The following LRP1B variants were observed in gnomAD, a reference collection of about 807,000 sequenced individuals.
The protein encoded by LRP1B is LDL receptor related protein 1B, also known as low-density lipoprotein receptor-related protein 1B.
A neutral mutation model predicts 556.6 loss-of-function variants in LRP1B; 217 were observed. That is an observed-to-expected ratio of 0.39 (90% CI 0.35 to 0.44). LRP1B has a LOEUF of 0.44. LRP1B is among the 20% of genes least tolerant of loss of function. The pLI is 1.00. For synonymous variants in LRP1B, 2,047 were observed against 1,865.8 expected, an observed-to-expected ratio of 1.10 and a Z score of -2.50; for missense variants, 5,053 against 5,620.8, an observed-to-expected ratio of 0.90 and a Z score of 3.23.
In LRP1B at chr2:141,368,384, A is replaced by C. The variant is rs543916317; in HGVS notation, c.343+112012T>G. Among the ~76,000 whole-genome samples, 67 of 152,356 alleles carry C rather than the reference A, an allele frequency of 4.4e-4. 1 individual carries two copies. Among genetic ancestry groups the C allele is most frequent in the Admixed American group, 3.8e-3 (58 of 15,304 alleles). On this transcript the variant is annotated intron_variant, in intron 3 of 90. Transcript: ENST00000389484. ...TGCAAAGCACTGAAAACTAATTTGCAGAAGAGGAGGATGCATAAAGAGGGT... is the reference window on the plus strand; with the variant it reads ...TGCAAAGCACTGAAAACTAATTTGCCGAAGAGGAGGATGCATAAAGAGGGT...
At position 141,795,806 on chromosome 2, in the gene LRP1B, C is replaced by T. The variant is rs139416596; in HGVS notation, c.205+14473G>A. 3.0e-5 allele frequency among the ~76,000 whole-genome samples: 4 copies of T among 131,524 alleles called. No individual in the cohort carries two copies. In the East Asian group the frequency reaches 9.1e-4, roughly 30 times the overall value. 86.3% of individuals were successfully genotyped at this position (131,524 alleles called of 152,430 possible). A position where few individuals can be genotyped will look rare whatever the true frequency, so the allele number is the denominator to read the frequency against. On this transcript the variant is annotated intron_variant, in intron 2 of 90. Coordinates refer to ENST00000389484, the MANE Select transcript of LRP1B (RefSeq NM_018557.3). ...TTTAATTCATTGCATCTAAAAGTGC[C>T]CAGTAAATCAACTTTTCACTATCAA...
intron 1 of LRP1B, among the ~76,000 whole-genome samples, chr2:142,102,639 A>G (rs897114193): frequency 6.6e-6 from 1 of 151,894 alleles, no homozygotes; most frequent in Non-Finnish European, 1.5e-5. Context: ...AAAAGTTAGA[A>G]TGCAAATCTT....
intron 6 of LRP1B, among the ~76,000 whole-genome samples, chr2:141,190,799 G>A (rs920446576): frequency 2.6e-5 from 4 of 151,920 alleles, no homozygotes; most frequent in Admixed American, 6.6e-5. Context: ...AGAGTGACAA[G>A]CTTATGAACA....
intron 2 of LRP1B, among the ~76,000 whole-genome samples, chr2:141,667,157 G>A (rs557781652): frequency 6.6e-6 from 1 of 152,068 alleles, no homozygotes; most frequent in Admixed American, 6.5e-5. Context: ...ATGAGCTACC[G>A]TACTGTACTT....
chr2:140,419,603 C>G (rs1685346371), intron 66 of LRP1B, among the ~76,000 whole-genome samples: 1 of 152,196 alleles, frequency 6.6e-6, no homozygotes, highest in African/African-American at 2.4e-5. Context: ...AAAGTATATA[C>G]TGTGATCACC....
chr2:141,084,115 C>T (rs572851113), intron 7 of LRP1B, among the ~76,000 whole-genome samples: 12 of 152,034 alleles, frequency 7.9e-5, no homozygotes, highest in Non-Finnish European at 1.3e-4. Context: ...TAGTAGAGTA[C>T]CTGGCATTTG....
chr2:141,532,292 C>T (rs1684912471), intron 2 of LRP1B, among the ~76,000 whole-genome samples: 1 of 151,724 alleles, frequency 6.6e-6, no homozygotes, highest in African/African-American at 2.4e-5. Flanking sequence ...GGGCTCTTTC[C>T]TGCCTATCTA....
chr2:140,777,642 C>T (rs1335318646), intron 32 of LRP1B, among the ~76,000 whole-genome samples: 2 of 152,104 alleles, frequency 1.3e-5, no homozygotes, highest in African/African-American at 2.4e-5. Flanking sequence ...AAAATAAACA[C>T]TAAGATAAAC....
intron 63 of LRP1B, among the ~76,000 whole-genome samples, chr2:140,449,710 C>G (rs904043968): frequency 3.3e-5 from 5 of 152,150 alleles, no homozygotes; most frequent in African/African-American, 1.2e-4. Context: ...TTCAAAAAAG[C>G]TTTATAATAA....
chr2:141,160,079 A>G (rs1679938384), intron 7 of LRP1B, among the ~76,000 whole-genome samples: 1 of 152,114 alleles, frequency 6.6e-6, no homozygotes, highest in Admixed American at 6.6e-5. Flanking sequence ...ACAAACCTGC[A>G]TGTTCTGCAC....
intron 86 of LRP1B, chr2:140,269,464 A>T (rs1457724889): frequency 2.3e-6 from 1 of 438,692 alleles, no homozygotes; most frequent in African/African-American, 2.1e-5. Flanking sequence ...TCATACAGAG[A>T]TAGTAACATT....
At chr2:140,265,687 T>A (rs1682169647) in intron 86 of LRP1B, among the ~76,000 whole-genome samples, 1 of 152,084 alleles carries the variant, frequency 6.6e-6, no homozygotes, top group African/African-American at 2.4e-5. Flanking sequence ...GCAATGTCTG[T>A]TTCCTGTAAA....
At chr2:141,748,464 G>A (rs1269026434) in intron 2 of LRP1B, among the ~76,000 whole-genome samples, 8 of 152,114 alleles carry the variant, frequency 5.3e-5, no homozygotes, top group Admixed American at 5.2e-4. Flanking sequence ...AATAAGTGTA[G>A]CTTCTTCCTC....
chr2:141,876,050 T>G (rs1407007447), intron 1 of LRP1B, among the ~76,000 whole-genome samples: 2 of 152,002 alleles, frequency 1.3e-5, no homozygotes, highest in African/African-American at 4.8e-5. Flanking sequence ...TTACTGATTT[T>G]CTTTGGAAGA....
At chr2:141,013,237 T>C (rs1332794386) in intron 14 of LRP1B, among the ~76,000 whole-genome samples, 1 of 152,016 alleles carries the variant, frequency 6.6e-6, no homozygotes. Context: ...ATACTTACGC[T>C]TTGAAAACAT....
At chr2:141,345,669 T>C (rs866150515) in intron 3 of LRP1B, among the ~76,000 whole-genome samples, 1 of 151,214 alleles carries the variant, frequency 6.6e-6, no homozygotes, top group African/African-American at 2.4e-5. Flanking sequence ...TTTTTTTTTT[T>C]TTTTTTTTTA....
chr2:141,478,135 T>G (rs1235678834), intron 3 of LRP1B, among the ~76,000 whole-genome samples: 1 of 152,178 alleles, frequency 6.6e-6, no homozygotes, highest in East Asian at 1.9e-4. Context: ...TTAAAAGTAT[T>G]TTATTTTTGT....
chr2:140,988,616 C>T (rs1193097328), intron 17 of LRP1B, among the ~76,000 whole-genome samples: 2 of 152,114 alleles, frequency 1.3e-5, no homozygotes, highest in African/African-American at 4.8e-5. Context: ...AAGAAAAAAG[C>T]TGGTGGTGAC....
chr2:141,117,303 G>C (rs1335571249), intron 7 of LRP1B, among the ~76,000 whole-genome samples: 1 of 144,946 alleles, frequency 6.9e-6, no homozygotes, highest in Admixed American at 6.9e-5. Context: ...AAATACTACT[G>C]TTCTTAGAGA....
Sources: gnomAD v4.1 joint callset for allele counts (sites outside exome capture counted in the v4.1 genomes callset) on GRCh38, gnomAD v4.1.1 for gene constraint, MANE v1.5 for transcripts, NCBI Gene and HGNC (gene_info 2026-07-23, HGNC 2026-07-21) for gene names.